CAMTA2: variants seen among roughly 807,000 people sequenced by gnomAD.
CAMTA2 encodes the protein calmodulin-binding transcription activator 2.
CAMTA2 carries 56 observed loss-of-function variants against 135.7 expected under a neutral mutation model. That is an observed-to-expected ratio of 0.41 (90% confidence interval 0.33 to 0.52). The LOEUF (loss-of-function observed/expected upper bound fraction) is 0.52. Among genes scored for constraint, CAMTA2 ranks in the 20% least tolerant of loss-of-function variants. The probability of loss-of-function intolerance (pLI) is 0.16; values close to 1 mark genes in which losing one functional copy is unlikely to be tolerated. For synonymous variants in CAMTA2, 591 were observed against 604.6 expected (o/e 0.98, Z 0.33); for missense variants, 1,358 against 1,553.4 (o/e 0.87, Z 2.11).
rs766685308 is a variant in CAMTA2, at chr17:4,972,500, T to G, written c.2540A>C (p.Asp847Ala). The change falls in exon 16 of 23, where the codon GAT (aspartate) becomes GCT (alanine). Residue 847 changes from aspartate (D) to alanine (A), a missense_variant. Physicochemically the swap from Asp to Ala is moderately radical, Grantham distance 126 (BLOSUM62 -2). Coordinates refer to ENST00000348066, the MANE Select transcript of CAMTA2 (RefSeq NM_015099.4). ...GGCTGACGTGACGGAAAAGGTGCCA[T>G]CCGACAGCTCCGAGGGCGAGGAGAC... The part of the protein sequence containing the change: ...SSVSSPSELS[D>A]GTFSVTSAYS... 1 of 1,609,650 alleles carries G rather than the reference T, an allele frequency of 6.2e-7. No homozygotes were observed. The highest frequency in any genetic ancestry group is 1.3e-5 in the African/African-American group (1 of 74,868).
At position 4,970,343 on chromosome 17, in the gene CAMTA2, G is replaced by C. The variant is rs756884989; in HGVS notation, c.3002C>G (p.Pro1001Arg). ...NVDHFPSSTPPSELPFERGRL... is the reference protein window; with the variant it reads ...NVDHFPSSTPRSELPFERGRL... Reference sequence around the variant, plus strand: ...GGCTTTGTCCTGAGCTAGTCACCTGGGAGGGGTTGAGCTGGGGAAATGGTC... The same window carrying C: ...GGCTTTGTCCTGAGCTAGTCACCTGCGAGGGGTTGAGCTGGGGAAATGGTC... Residue 1001 changes from proline (P) to arginine (R), a missense_variant, in exon 17 of 23, where the codon CCC becomes CGC. Physicochemically the swap from Pro to Arg is moderately radical, Grantham distance 103. Transcript: ENST00000348066. The C allele has an allele frequency of 1.2e-6, 2 of 1,614,176 alleles. No homozygotes were observed. Among genetic ancestry groups the C allele is most frequent in the East Asian group, 4.5e-5 (2 of 44,886 alleles).
In CAMTA2 at chr17:4,985,861, C is replaced by G; in HGVS notation, c.135+19G>C. On this transcript the variant is annotated intron_variant, in intron 3 of 22. Coordinates refer to ENST00000348066, the MANE Select transcript of CAMTA2 (RefSeq NM_015099.4). ...TACTAGGTCTTGCTGGGCCCCAACC[C>G]CCAGCCTCCCTAGAAAACCTCATTT... 6.3e-7 allele frequency: 1 copy of G among 1,582,758 alleles called. No homozygotes were observed. The highest frequency in any genetic ancestry group is 8.7e-7 in the Non-Finnish European group (1 of 1,151,940).
At position 4,987,673 on chromosome 17, in the gene CAMTA2, T is replaced by C; in HGVS notation, c.-145A>G. 4 of 1,511,262 alleles carry C rather than the reference T, an allele frequency of 2.6e-6. No individual in the cohort carries two copies. Among genetic ancestry groups the C allele is most frequent in the Non-Finnish European group, 2.7e-6 (3 of 1,131,918 alleles). The allele number at this position is 1,511,262 out of a possible 1,614,324, so 93.6% of individuals were successfully genotyped here. Reference sequence around the variant, plus strand: ...CCCCCAGCGCCGGCTGACAGCGGCGTCTAACGTCACTGCGCACGGGGCGGG... The same window carrying C: ...CCCCCAGCGCCGGCTGACAGCGGCGCCTAACGTCACTGCGCACGGGGCGGG... On this transcript the variant is annotated 5_prime_UTR_variant, in exon 1 of 23. Coordinates refer to ENST00000348066, the MANE Select transcript of CAMTA2 (RefSeq NM_015099.4).
Position 4,970,196 on chromosome 17 carries a change from C to T in CAMTA2, c.3006-111G>A, listed in dbSNP as rs767342644. 2.9e-6 allele frequency: 4 copies of T among 1,384,322 alleles called. No homozygotes were observed. In the South Asian group the frequency reaches 3.8e-5, roughly 13 times the overall value. The allele number at this position is 1,384,322 out of a possible 1,614,324, so 85.8% of individuals were successfully genotyped here. A position where few individuals can be genotyped will look rare whatever the true frequency, so the allele number is the denominator to read the frequency against. Reference sequence around the variant, plus strand: ...AGCAACTGAGTCTGGAGAGTGACTTCAGAGTTCATCAGCCAGTTCAGTTCG... The same window carrying T: ...AGCAACTGAGTCTGGAGAGTGACTTTAGAGTTCATCAGCCAGTTCAGTTCG... On this transcript the variant is annotated intron_variant, in intron 17 of 22. Transcript: ENST00000348066.
intron 7 of CAMTA2, 67 bp from the exon 8 acceptor site, chr17:4,981,426 C>A: frequency 6.3e-7 from 1 of 1,577,208 alleles, no homozygotes; most frequent in Non-Finnish European, 8.6e-7. Flanking sequence ...CTTGATGGCT[C>A]CTCCAAGCAC....
intron 9 of CAMTA2, 150 bp downstream of exon 9, chr17:4,979,534 G>A (rs1972830241): frequency 2.4e-6 from 1 of 424,854 alleles, no homozygotes; most frequent in Admixed American, 4.2e-5. Context: ...AAAAAAGAGA[G>A]AGATTAGGTA....
chr17:4,974,337 C>T (rs1270160384), intron 12 of CAMTA2, 48 bp downstream of exon 12: 2 of 1,200,746 alleles, frequency 1.7e-6, no homozygotes, highest in Non-Finnish European at 2.5e-6. Context: ...TTAGCTGTGT[C>T]CTCCCCCTGC....
chr17:4,971,957 G>A (rs1972314931), intron 16 of CAMTA2, among the ~76,000 whole-genome samples: 1 of 152,144 alleles, frequency 6.6e-6, no homozygotes, highest in Non-Finnish European at 1.5e-5. Context: ...CCAAAGTGCT[G>A]GGATTACAGG....
Position 4,968,673 on chromosome 17 carries a change from G to T in CAMTA2, c.*83C>A. 1 of 1,529,956 alleles carries T rather than the reference G, an allele frequency of 6.5e-7. No homozygotes were observed. The highest frequency in any genetic ancestry group is 1.1e-5 in the South Asian group (1 of 89,248). The allele number at this position is 1,529,956 out of a possible 1,614,324, so 94.8% of individuals were successfully genotyped here. ...AGGTGAACAGGAAAGCTGCCGACAG[G>T]GGCTCCCCCTGCCCCAGAAAGCCCT... is the stretch of plus-strand genomic sequence containing the variant. On this transcript the variant is annotated 3_prime_UTR_variant, in exon 23 of 23. Coordinates refer to ENST00000348066, the MANE Select transcript of CAMTA2 (RefSeq NM_015099.4).
In CAMTA2 at chr17:4,986,273, A is replaced by AG; in HGVS notation, c.-52dup. 6.9e-7 allele frequency: 1 copy of AG among 1,457,882 alleles called. No individual in the cohort carries two copies. The highest frequency in any genetic ancestry group is 9.5e-7 in the Non-Finnish European group (1 of 1,051,576). 90.3% of individuals were successfully genotyped at this position (1,457,882 alleles called of 1,614,324 possible). The stretch of plus-strand genomic sequence containing the variant: ...ACCCCCGGCCTGAGGGGCCGGGGGG[A>AG]GGGGGAGTCTGTGCTGGGAAGGGAG... On this transcript the variant is annotated 5_prime_UTR_variant, in exon 2 of 23. It removes the in-frame stop codon of an upstream open reading frame in the 5' UTR. Coordinates refer to ENST00000348066, the MANE Select transcript of CAMTA2 (RefSeq NM_015099.4).
At position 4,968,903 on chromosome 17, in the gene CAMTA2, G is replaced by A; in HGVS notation, c.3545+4C>T. The A allele has an allele frequency of 1.1e-5, 17 of 1,614,108 alleles. No homozygotes were observed. The highest frequency in any genetic ancestry group is 1.4e-5 in the Non-Finnish European group (17 of 1,179,938). On this transcript the variant is annotated splice_donor_region_variant and intron_variant, in intron 22 of 22. Transcript: ENST00000348066. ...AAAAGCCCAGGGGGAGAAGGGATGA[G>A]TACCTGTGTCGGCAGCGCCGCAGGA...
In CAMTA2 at chr17:4,969,099, G is replaced by A; in HGVS notation, c.3470+51C>T. On this transcript the variant is annotated intron_variant, in intron 21 of 22. Transcript: ENST00000348066. The surrounding 1 kb of genome is among the most constrained non-coding windows in gnomAD (Gnocchi z 5.6). ...GATGATCAAGAGGATGAGTAAGGGG[G>A]AATGGCGTGGATGCAGTGGGTGGGC... The A allele has an allele frequency of 6.3e-7, 1 of 1,581,358 alleles. No individual in the cohort carries two copies. The highest frequency in any genetic ancestry group is 1.7e-5 in the Admixed American group (1 of 58,242).
rs780497614 is a variant in CAMTA2, at chr17:4,981,749, G to T, written c.494C>A (p.Ser165Tyr). The T allele has an allele frequency of 3.1e-6, 5 of 1,613,562 alleles. No individual in the cohort carries two copies. The highest frequency in any genetic ancestry group is 1.3e-5 in the African/African-American group (1 of 74,880). The change falls in exon 7 of 23, where the codon TCC (serine) becomes TAC (tyrosine). Residue 165 changes from serine to tyrosine, a missense_variant. This residue lies in a region of CAMTA2 where 1,077 missense variants were observed against 1,127.5 expected (regional missense o/e 0.96). Transcript: ENST00000348066. ...CGKGCSPIFC[S>Y]ISSDRREWLK... ...CCACTCTCGACGGTCGCTGCTGATG[G>T]AACAAAAGATGGGGCTGCAGCCCTT...
At chr17:4,976,423 G>C (rs1352868510) in intron 11 of CAMTA2, among the ~76,000 whole-genome samples, 1 of 152,194 alleles carries the variant, frequency 6.6e-6, no homozygotes, top group Non-Finnish European at 1.5e-5. Context: ...GTACAGCCGG[G>C]TGTGGTGGCT....
rs1972134477 is a variant in CAMTA2 at position 4,969,585 on chromosome 17, G to A, written c.3261+45C>T. ...TCTGGAATGGTTAGGCGTGGGTGTG[G>A]GTTGGTGGGTTGCTGGTTACACTTT... On this transcript the variant is annotated intron_variant, in intron 19 of 22. Coordinates refer to ENST00000348066, the MANE Select transcript of CAMTA2 (RefSeq NM_015099.4). This position sits in a 1 kb window ranked among gnomAD's most constrained non-coding sequence, Gnocchi z 5.6. 4.3e-6 allele frequency: 7 copies of A among 1,613,418 alleles called. No individual in the cohort carries two copies. Among genetic ancestry groups the A allele is most frequent in the Non-Finnish European group, 5.9e-6 (7 of 1,179,490 alleles).
chr17:4,984,515 C>A (rs1809772212), intron 3 of CAMTA2, among the ~76,000 whole-genome samples: 9 of 152,220 alleles, frequency 5.9e-5, no homozygotes, highest in Admixed American at 5.9e-4. Flanking sequence ...CCCTGCTGAC[C>A]ACACTGGACC....
chr17:4,980,306 G>T lies in CAMTA2; in HGVS notation c.1016C>A (p.Thr339Lys), dbSNP rs769703430. The change falls in exon 9 of 23, where the codon ACG becomes AAG. Residue 339 changes from threonine (T) to lysine (K), a missense_variant. Thr to Lys is a moderately conservative substitution (Grantham distance 78). Coordinates refer to ENST00000348066, the MANE Select transcript of CAMTA2 (RefSeq NM_015099.4). The surrounding 1 kb of genome is among the most constrained non-coding windows in gnomAD (Gnocchi z 5.3). Reference sequence around the variant, plus strand: ...CTGTGGAGCCAAGTGCCTGGTGGGCGTCAAGCCTCCAGCCCGCTGCTCCAG... The same window carrying T: ...CTGTGGAGCCAAGTGCCTGGTGGGCTTCAAGCCTCCAGCCCGCTGCTCCAG... ...TGLEQRAGGL[T>K]PTRHLAPQAD... 6.2e-7 allele frequency: 1 copy of T among 1,612,192 alleles called. No individual in the cohort carries two copies. Among genetic ancestry groups the T allele is most frequent in the Admixed American group, 1.7e-5 (1 of 59,816 alleles).
chr17:4,968,020 A>T lies in CAMTA2; in HGVS notation c.*736T>A, dbSNP rs1430494274. 1 of 579,028 alleles carries T rather than the reference A, an allele frequency of 1.7e-6. No individual in the cohort carries two copies. The highest frequency in any genetic ancestry group is 3.1e-6 in the Non-Finnish European group (1 of 323,592). The allele number at this position is 579,028 out of a possible 1,614,324, so 35.9% of individuals were successfully genotyped here. ...GCTGGTGCAGCGATGTTTAATGGCAATTCGTATAAACCAAGCCCATGCACA... is the reference window on the plus strand; with the variant it reads ...GCTGGTGCAGCGATGTTTAATGGCATTTCGTATAAACCAAGCCCATGCACA... On this transcript the variant is annotated 3_prime_UTR_variant, in exon 23 of 23. Coordinates refer to ENST00000348066, the MANE Select transcript of CAMTA2 (RefSeq NM_015099.4).
chr17:4,972,666 G>C (rs1972369022), intron 15 of CAMTA2, 103 bp downstream of exon 15: 18 of 1,422,304 alleles, frequency 1.3e-5, no homozygotes, highest in Non-Finnish European at 1.5e-5. Flanking sequence ...CCCTGCCTCT[G>C]TGGTTTGTCT....
Sources: gnomAD v4.1 joint callset for allele counts (sites outside exome capture counted in the v4.1 genomes callset) on GRCh38, gnomAD v4.1.1 for gene constraint, gnomAD v4.1.1 regional missense constraint, Gnocchi (gnomAD v3.1) non-coding constraint, MANE v1.5 for transcripts, NCBI Gene and HGNC (gene_info 2026-07-23, HGNC 2026-07-21) for gene names.